Variants in RFFL observed in about 807,000 individuals in gnomAD.
The protein encoded by RFFL is E3 ubiquitin-protein ligase rififylin.
Under a neutral mutation model 40.4 loss-of-function variants are expected in RFFL, and 16 were observed. The observed-to-expected ratio is 0.40, with a 90% CI of 0.27 to 0.60. RFFL has a LOEUF of 0.60. Ranked by LOEUF, RFFL falls within the 20% of genes least tolerant of loss-of-function variation. RFFL has a pLI of 0.47. For missense variants in RFFL, 367 were observed against 451.7 expected (o/e 0.81, Z 1.70); for synonymous variants, 154 against 167.9 (o/e 0.92, Z 0.64).
chr17:35,074,117 C>T (rs775426301), intron 1 of RFFL: 1 of 152,012 alleles, frequency 6.6e-6, no homozygotes, highest in Non-Finnish European at 1.5e-5. Flanking sequence ...TAGGAAGAAG[C>T]CTGAGTCAGT....
At chr17:35,040,790 G>A (rs2091159033) in intron 1 of RFFL, among the ~76,000 whole-genome samples, 1 of 145,438 alleles carries the variant, frequency 6.9e-6, no homozygotes, top group African/African-American at 2.5e-5. Flanking sequence ...GGTCTCCCTA[G>A]AACTTCCTAT....
chr17:35,081,061 G>C (rs892353838), intron 1 of RFFL, among the ~76,000 whole-genome samples: 8 of 152,190 alleles, frequency 5.3e-5, no homozygotes, highest in African/African-American at 1.7e-4. Context: ...AAACGCTGCT[G>C]AGAGAGCAAG....
chr17:35,080,000 T>C (rs954600825), intron 1 of RFFL, among the ~76,000 whole-genome samples: 1 of 152,154 alleles, frequency 6.6e-6, no homozygotes, highest in Non-Finnish European at 1.5e-5. Context: ...CCACCCCTGC[T>C]TGCACATAAT....
At chr17:35,026,661 C>T (rs2091043071) in intron 1 of RFFL, 100 bp from the exon 2 acceptor site, 7 of 869,150 alleles carry the variant, frequency 8.1e-6, no homozygotes, top group African/African-American at 1.8e-5. Flanking sequence ...ACTCAATGCA[C>T]GCATGCCACC....
In RFFL at chr17:35,016,239, G is replaced by A. The variant is rs189958011; in HGVS notation, c.886+131C>T. 613 of 756,660 alleles carry A rather than the reference G, an allele frequency of 8.1e-4. 10 individuals are homozygous for A. The highest frequency in any genetic ancestry group is 5.5e-3 in the South Asian group (320 of 58,282). The allele number at this position is 756,660 out of a possible 1,614,324, so 46.9% of individuals were successfully genotyped here. A position where few individuals can be genotyped will look rare whatever the true frequency, so the allele number is the denominator to read the frequency against. Reference sequence around the variant, plus strand: ...CCACAAATGACAGCTATTATTAGACGGTGCAAATATGTAAGGTGTCTCCTT... The same window carrying A: ...CCACAAATGACAGCTATTATTAGACAGTGCAAATATGTAAGGTGTCTCCTT... On this transcript the variant is annotated intron_variant, in intron 5 of 6. Coordinates refer to ENST00000394597, the MANE Select transcript of RFFL (RefSeq NM_001017368.2).
intron 1 of RFFL, among the ~76,000 whole-genome samples, chr17:35,028,592 TAC>T (rs1392970913): frequency 5.3e-5 from 8 of 152,054 alleles, no homozygotes; most frequent in African/African-American, 1.7e-4. Context: ...ACTCTTTGCT[TAC>T]AGAGACAATA....
intron 6 of RFFL, among the ~76,000 whole-genome samples, chr17:35,013,094 A>T (rs1437946811): frequency 6.6e-6 from 1 of 152,206 alleles, no homozygotes; most frequent in Non-Finnish European, 1.5e-5. Flanking sequence ...CCTCACAAAA[A>T]CTATAAAGTA....
chr17:35,021,545 T>C lies in RFFL; in HGVS notation c.417A>G (p.Val139=). ...LVLLVLGQQP[V]ISQEDRTRAS... is the part of the protein sequence containing the mutation. ...CACGAGTCCTGTCCTCCTGGGAGAT[T>C]ACAGGCTGCTGGCCAAGGACCAAGA... Residue 139 remains valine, a synonymous_variant, in exon 3 of 7, where the codon GTA becomes GTG. Coordinates refer to ENST00000394597, the MANE Select transcript of RFFL (RefSeq NM_001017368.2). 1 of 1,613,944 alleles carries C rather than the reference T, an allele frequency of 6.2e-7. No homozygotes were observed. Among genetic ancestry groups the C allele is most frequent in the Non-Finnish European group, 8.5e-7 (1 of 1,179,888 alleles).
chr17:35,083,818 G>A (rs2091415278), intron 1 of RFFL, among the ~76,000 whole-genome samples: 1 of 151,682 alleles, frequency 6.6e-6, no homozygotes, highest in Non-Finnish European at 1.5e-5. Flanking sequence ...GGGAAGAAAA[G>A]TGAACCCCAA....
chr17:35,084,545 G>C lies in RFFL; in HGVS notation c.-9+4560C>G, dbSNP rs189785735. 3.9e-4 allele frequency among the ~76,000 whole-genome samples: 59 copies of C among 152,208 alleles called. 1 individual carries two copies. The South Asian group carries it at 6.2e-3, about 16-fold the overall frequency. The stretch of plus-strand genomic sequence containing the variant: ...GGAGGTGGAGGTTACAGTGAGCCGA[G>C]ATCACCTCACTGCACTCCAGCCTGG... On this transcript the variant is annotated intron_variant, in intron 1 of 6. Transcript: ENST00000315249.
rs542554105 is a variant in RFFL, at chr17:35,061,500, T to C, written c.-9+2076A>G. Among the ~76,000 whole-genome samples, 4 of 152,232 alleles carry C rather than the reference T, an allele frequency of 2.6e-5. No individual in the cohort carries two copies. In the South Asian group the frequency reaches 8.3e-4, roughly 32 times the overall value. On this transcript the variant is annotated intron_variant, in intron 1 of 6. Coordinates refer to ENST00000394597, the MANE Select transcript of RFFL (RefSeq NM_001017368.2). ...TTGGGATGGAGTCTTCTTCTGTGCCTAGGCTGGAGTTCAGTGGCACAATCT... is the reference window on the plus strand; with the variant it reads ...TTGGGATGGAGTCTTCTTCTGTGCCCAGGCTGGAGTTCAGTGGCACAATCT...
At chr17:35,075,995 T>A (rs1330334245) in intron 1 of RFFL, among the ~76,000 whole-genome samples, 1 of 141,060 alleles carries the variant, frequency 7.1e-6, no homozygotes, top group African/African-American at 2.7e-5. Flanking sequence ...TCTTTTTTTT[T>A]TTTTTTTTTT....
At chr17:35,043,925 T>C in intron 1 of RFFL, among the ~76,000 whole-genome samples, 1 of 152,170 alleles carries the variant, frequency 6.6e-6, no homozygotes, top group East Asian at 1.9e-4. Flanking sequence ...CCATAAGTCA[T>C]CTGCATTTCT....
chr17:35,082,291 A>T (rs1222384589), intron 1 of RFFL, among the ~76,000 whole-genome samples: 1 of 152,238 alleles, frequency 6.6e-6, no homozygotes, highest in Non-Finnish European at 1.5e-5. Context: ...GGAGACAGGG[A>T]ACAAGAAACG....
rs143149309 is a variant in RFFL at position 35,007,388 on chromosome 17, A to G, written c.*4580T>C. On this transcript the variant is annotated 3_prime_UTR_variant, in exon 7 of 7. Transcript: ENST00000394597. ...TCATGTATTTCTTTCATGTATTTCA[A>G]TGCAGCCCTCAACATCATCATCATA... 6.6e-6 allele frequency: 1 copy of G among 152,112 alleles called. No individual in the cohort carries two copies. The highest frequency in any genetic ancestry group is 2.4e-5 in the African/African-American group (1 of 41,398). The allele number at this position is 152,112 out of a possible 1,614,324, so 9.4% of individuals were successfully genotyped here.
intron 1 of RFFL, among the ~76,000 whole-genome samples, chr17:35,048,388 C>T (rs919031109): frequency 4.0e-5 from 6 of 151,614 alleles, no homozygotes; most frequent in East Asian, 1.9e-4. Context: ...GGCGACAGAG[C>T]GAGACTCCAT....
intron 1 of RFFL, among the ~76,000 whole-genome samples, chr17:35,034,573 G>A (rs1368003402): frequency 2.0e-5 from 3 of 151,428 alleles, no homozygotes; most frequent in African/African-American, 4.9e-5. Flanking sequence ...CTGTCACCCA[G>A]GCTGGAGTAC....
chr17:35,049,140 A>G (rs575441566), intron 1 of RFFL, among the ~76,000 whole-genome samples: 47 of 152,326 alleles, frequency 3.1e-4, no homozygotes, highest in African/African-American at 1.0e-3. Context: ...TCAAGAAAAA[A>G]GACACCTGTG....
chr17:35,028,301 C>G (rs2091056963), intron 1 of RFFL, among the ~76,000 whole-genome samples: 1 of 151,394 alleles, frequency 6.6e-6, no homozygotes, highest in South Asian at 2.1e-4. Flanking sequence ...TGCCACTGCA[C>G]AACTACACTC....
Sources: gnomAD v4.1 joint callset for allele counts (sites outside exome capture counted in the v4.1 genomes callset) on GRCh38, gnomAD v4.1.1 for gene constraint, MANE v1.5 for transcripts, NCBI Gene and HGNC (gene_info 2026-07-23, HGNC 2026-07-21) for gene names.